PHACTR1: variants seen among roughly 807,000 people sequenced by gnomAD.
The protein encoded by PHACTR1 is RPEL repeat containing 1.
A neutral mutation model predicts 69.2 loss-of-function variants in PHACTR1; 16 were observed. That is an observed-to-expected ratio of 0.23 (90% CI 0.16 to 0.35). The LOEUF (loss-of-function observed/expected upper bound fraction) is 0.35. PHACTR1 is among the 10% of genes least tolerant of loss of function. The pLI is 1.00. For missense variants in PHACTR1, 510 were observed against 734.7 expected (o/e 0.69, Z 3.54); for synonymous variants, 312 against 284.5 (o/e 1.10, Z -0.97).
At chr6:13,138,334 C>A (rs1013027863) in intron 5 of PHACTR1, among the ~76,000 whole-genome samples, 2 of 152,084 alleles carry the variant, frequency 1.3e-5, no homozygotes, top group Non-Finnish European at 2.9e-5. Context: ...ATCTCAAAGG[C>A]CCAGAGAAAG....
chr6:13,274,991 A>AT (rs970322761), intron 11 of PHACTR1: 20 of 152,274 alleles, frequency 1.3e-4, no homozygotes, highest in Admixed American at 8.5e-4. Flanking sequence ...TCTCCTAAAT[A>AT]TTTTTTTAAA....
intron 4 of PHACTR1, among the ~76,000 whole-genome samples, chr6:12,872,647 C>G (rs950109100): frequency 6.6e-6 from 1 of 152,162 alleles, no homozygotes; most frequent in Admixed American, 6.5e-5. Flanking sequence ...AATTGTGAGC[C>G]TGGTTCCTTT....
intron 5 of PHACTR1, among the ~76,000 whole-genome samples, chr6:13,141,824 G>A (rs1050421544): frequency 4.0e-5 from 6 of 150,604 alleles, no homozygotes; most frequent in African/African-American, 1.5e-4. Context: ...AATATTCTGG[G>A]ATTGTTTTTT....
chr6:13,020,478 T>C (rs1286454994), intron 4 of PHACTR1, among the ~76,000 whole-genome samples: 1 of 152,174 alleles, frequency 6.6e-6, no homozygotes, highest in East Asian at 1.9e-4. Flanking sequence ...CAGGATGTCA[T>C]GGACACGTAG....
chr6:13,283,515 G>A lies in PHACTR1; in HGVS notation c.1603G>A (p.Asp535Asn), dbSNP rs1426985253. ...YVEVADAQDY[D>N]RRADKPWTRL... is the part of the protein sequence containing the mutation. The stretch of plus-strand genomic sequence containing the variant: ...GGAGGTGGCTGACGCTCAGGACTAT[G>A]ACCGCAGGGCAGATAAGCCGTGGAC... Residue 535 changes from aspartate to asparagine, a missense_variant, in exon 13 of 15, where the codon GAC (aspartate) becomes AAC (asparagine). Physicochemically the swap from Asp to Asn is conservative, Grantham distance 23. Around this residue, in one of 2 missense-constraint regions of PHACTR1, gnomAD observed 91 missense variants for 203.8 expected, o/e 0.45. Coordinates refer to ENST00000332995, the MANE Select transcript of PHACTR1 (RefSeq NM_030948.6). The surrounding 1 kb of genome is among the most constrained non-coding windows in gnomAD (Gnocchi z 4.7). The A allele has an allele frequency of 1.2e-6, 2 of 1,613,794 alleles. No individual in the cohort carries two copies. The highest frequency in any genetic ancestry group is 1.7e-6 in the Non-Finnish European group (2 of 1,179,894).
intron 4 of PHACTR1, among the ~76,000 whole-genome samples, chr6:13,007,570 C>T (rs1798941677): frequency 6.6e-6 from 1 of 151,696 alleles, no homozygotes; most frequent in Non-Finnish European, 1.5e-5. Context: ...CAAGACTTTG[C>T]AGAAAAATTT....
At chr6:13,233,606 C>G (rs12665408) in intron 10 of PHACTR1, among the ~76,000 whole-genome samples, 10,074 of 152,194 alleles carry the variant, frequency 0.066, 666 homozygotes, top group Admixed American at 0.22. Flanking sequence ...ATAAAACCAT[C>G]AGATCTCGTG....
intron 4 of PHACTR1, among the ~76,000 whole-genome samples, chr6:12,812,929 A>G (rs1026385434): frequency 1.3e-5 from 2 of 152,220 alleles, no homozygotes; most frequent in Non-Finnish European, 2.9e-5. Flanking sequence ...TGTTTAAACC[A>G]TTGAGGAGAG....
At position 13,097,754 on chromosome 6, in the gene PHACTR1, G is replaced by C. The variant is rs139953438; in HGVS notation, c.415+44225G>C. 3.9e-3 allele frequency among the ~76,000 whole-genome samples: 588 copies of C among 152,162 alleles called. 5 individuals are homozygous for C. The highest frequency in any genetic ancestry group is 2.7e-3 in the Non-Finnish European group (185 of 68,002). On this transcript the variant is annotated intron_variant, in intron 5 of 14. Transcript: ENST00000332995. ...AATATTCACTTTCCTTTTGTACCCA[G>C]AGACTTACTCCTCCTCTAGTATCCC...
chr6:12,743,685 A>C (rs1198072310), intron 3 of PHACTR1, among the ~76,000 whole-genome samples: 2 of 152,242 alleles, frequency 1.3e-5, no homozygotes, highest in Non-Finnish European at 2.9e-5. Flanking sequence ...ACAGAGACTT[A>C]GACTACCACA....
At chr6:13,092,022 T>A (rs753060037) in intron 5 of PHACTR1, among the ~76,000 whole-genome samples, 2 of 152,148 alleles carry the variant, frequency 1.3e-5, no homozygotes, top group African/African-American at 2.4e-5. Context: ...ACAGTCTCGA[T>A]CTCCTGACCT....
intron 5 of PHACTR1, among the ~76,000 whole-genome samples, chr6:13,062,860 GACT>G (rs1296747354): frequency 6.6e-6 from 1 of 152,190 alleles, no homozygotes; most frequent in African/African-American, 2.4e-5. Flanking sequence ...CCACCATGAA[GACT>G]CTATGGCCCA....
At chr6:13,168,012 A>G (rs1019401597) in intron 6 of PHACTR1, among the ~76,000 whole-genome samples, 12 of 152,370 alleles carry the variant, frequency 7.9e-5, no homozygotes, top group Non-Finnish European at 1.8e-4. Context: ...TTCCAGGTGC[A>G]TAGACTTCTA....
chr6:13,153,699 G>A (rs1170354567), intron 5 of PHACTR1, among the ~76,000 whole-genome samples: 1 of 152,122 alleles, frequency 6.6e-6, no homozygotes, highest in Non-Finnish European at 1.5e-5. Context: ...TAAAGATCAG[G>A]GAGTTGCCTT....
At chr6:12,907,371 A>T (rs1426827020) in intron 4 of PHACTR1, among the ~76,000 whole-genome samples, 1 of 152,214 alleles carries the variant, frequency 6.6e-6, no homozygotes, top group African/African-American at 2.4e-5. Context: ...AATCATGAGC[A>T]ATTTCACTTA....
intron 5 of PHACTR1, among the ~76,000 whole-genome samples, chr6:13,073,589 G>A (rs933825736): frequency 4.0e-5 from 6 of 151,874 alleles, no homozygotes; most frequent in East Asian, 3.9e-4. Context: ...TGATCTGCCC[G>A]CTTCAGCCTC....
At chr6:12,811,854 G>A (rs1775047717) in intron 4 of PHACTR1, among the ~76,000 whole-genome samples, 1 of 152,096 alleles carries the variant, frequency 6.6e-6, no homozygotes, top group African/African-American at 2.4e-5. Flanking sequence ...TGTCTCCGTG[G>A]CAGCCGACAC....
chr6:13,219,185 C>A (rs1268501789), intron 8 of PHACTR1, among the ~76,000 whole-genome samples: 1 of 152,052 alleles, frequency 6.6e-6, no homozygotes, highest in African/African-American at 2.4e-5. Context: ...CTCAAGCTTT[C>A]CAAATATGTC....
rs2127387287 is a variant in PHACTR1 at position 13,246,998 on chromosome 6, CAAA to C, written c.1391+16806_1391+16808del. ...CAGAATGTAAACAGGGAAAAGCATC[CAAA>C]GATACAACCCTGGAAAATCACTTTT... On this transcript the variant is annotated intron_variant, in intron 10 of 14. Transcript: ENST00000332995. This position sits in a 1 kb window ranked among gnomAD's most constrained non-coding sequence, Gnocchi z 4.2. Among the ~76,000 whole-genome samples the C allele has an allele frequency of 6.6e-6, 1 of 152,156 alleles. No individual in the cohort carries two copies. Among genetic ancestry groups the C allele is most frequent in the African/African-American group, 2.4e-5 (1 of 41,510 alleles).
Sources: gnomAD v4.1 joint callset for allele counts (sites outside exome capture counted in the v4.1 genomes callset) on GRCh38, gnomAD v4.1.1 for gene constraint, gnomAD v4.1.1 regional missense constraint, Gnocchi (gnomAD v3.1) non-coding constraint, MANE v1.5 for transcripts, NCBI Gene and HGNC (gene_info 2026-07-23, HGNC 2026-07-21) for gene names.